The following PDK3 variants were observed in gnomAD, a reference collection of about 807,000 sequenced individuals.
PDK3 encodes pyruvate dehydrogenase kinase 3.
PDK3 carries 12 observed loss-of-function variants against 32.0 expected under a neutral mutation model. The observed-to-expected ratio is 0.37, with a 90% CI of 0.24 to 0.61. PDK3 has a LOEUF of 0.61. PDK3 is among the 20% of genes least tolerant of loss of function. The probability of loss-of-function intolerance (pLI) is 0.65; values close to 1 mark genes in which losing one functional copy is unlikely to be tolerated. For synonymous variants in PDK3, 122 were observed against 116.3 expected (o/e 1.05, Z -0.31); for missense variants, 188 against 316.9 (o/e 0.59, Z 3.09).
intron 9 of PDK3, among the ~76,000 whole-genome samples, chrX:24,529,781 GA>G (rs1393577045): frequency 3.9e-4 from 41 of 106,195 alleles, no homozygotes; most frequent in African/African-American, 1.4e-3. Context: ...AAAAAGAAAA[GA>G]AAAAGAAACT....
chrX:24,493,308 A>G (rs1210609622), intron 1 of PDK3, among the ~76,000 whole-genome samples: 1 of 109,610 alleles, frequency 9.1e-6, no homozygotes, highest in East Asian at 2.8e-4. Flanking sequence ...GAAGGGGGTC[A>G]GGGATGAGTG....
In PDK3 at chrX:24,527,654, T is replaced by C. The variant is rs1313846076; in HGVS notation, c.831T>C (p.Gly277=). 1.7e-6 allele frequency: 2 copies of C among 1,150,946 alleles called. No individual in the cohort carries two copies. The highest frequency in any genetic ancestry group is 2.4e-6 in the Non-Finnish European group (2 of 845,734). 94.9% of individuals were successfully genotyped at this position (1,150,946 alleles called of 1,213,427 possible). A position where few individuals can be genotyped will look rare whatever the true frequency, so the allele number is the denominator to read the frequency against. ...CTGTTAAAACCCTCGTTACTTTGGG[T>C]AAAGAAGACTTATCCATTAAGGTAA... The part of the protein sequence containing the change: ...YPAVKTLVTL[G]KEDLSIKISD... Residue 277 remains glycine, a synonymous_variant, in exon 8 of 11, where the codon GGT becomes GGC. Transcript: ENST00000379162.
Position 24,466,531 on chromosome X carries a change from C to G in PDK3, c.106+970C>G, listed in dbSNP as rs1197509442. ...CATTTAATGAATTTTATGTAAATGTCAAGGGTGTCAGTGATAGTGTCAGTT... is the reference window on the plus strand; with the variant it reads ...CATTTAATGAATTTTATGTAAATGTGAAGGGTGTCAGTGATAGTGTCAGTT... On this transcript the variant is annotated intron_variant, in intron 1 of 10. Coordinates refer to ENST00000379162, the MANE Select transcript of PDK3 (RefSeq NM_005391.5). Among the ~76,000 whole-genome samples the G allele has an allele frequency of 5.4e-5, 6 of 111,413 alleles. No individual in the cohort carries two copies. The Admixed American group carries it at 5.7e-4, about 11-fold the overall frequency.
Position 24,528,180 on chromosome X carries a change from C to G in PDK3, c.957C>G (p.Ala319=). ...PRPSLEPTRA[A]PLAGFGYGLP... is the part of the protein sequence containing the mutation. ...CCAGCCTGGAGCCTACCAGAGCTGCCCCTTTGGTAAGCATCTGAAAGTGCT... is the reference window on the plus strand; with the variant it reads ...CCAGCCTGGAGCCTACCAGAGCTGCGCCTTTGGTAAGCATCTGAAAGTGCT... Residue 319 remains alanine, a synonymous_variant, in exon 9 of 11, where the codon GCC becomes GCG. Coordinates refer to ENST00000379162, the MANE Select transcript of PDK3 (RefSeq NM_005391.5). 9.1e-7 allele frequency: 1 copy of G among 1,096,388 alleles called. No individual in the cohort carries two copies. Among genetic ancestry groups the G allele is most frequent in the Non-Finnish European group, 1.3e-6 (1 of 792,007 alleles). 90.4% of individuals were successfully genotyped at this position (1,096,388 alleles called of 1,213,427 possible). A position where few individuals can be genotyped will look rare whatever the true frequency, so the allele number is the denominator to read the frequency against.
At chrX:24,521,470 A>G (rs1016637761) in intron 6 of PDK3, among the ~76,000 whole-genome samples, 1 of 110,669 alleles carries the variant, frequency 9.0e-6, no homozygotes, top group African/African-American at 3.3e-5. Context: ...GAGAAGAGTC[A>G]TGTCCCCATT....
In PDK3 at chrX:24,503,316, C is replaced by T. The variant is rs768474985; in HGVS notation, c.321-11C>T. 1 of 1,187,047 alleles carries T rather than the reference C, an allele frequency of 8.4e-7. No homozygotes were observed. The highest frequency in any genetic ancestry group is 2.3e-5 in the Admixed American group (1 of 43,950). ...TTAAGACTGACCACGTTTTGTTTCC[C>T]TCTCACACAGCTTTCTACAAGTTCT... is the stretch of plus-strand genomic sequence containing the variant. On this transcript the variant is annotated splice_polypyrimidine_tract_variant and intron_variant, in intron 3 of 10. Coordinates refer to ENST00000379162, the MANE Select transcript of PDK3 (RefSeq NM_005391.5).
downstream of PDK3, among the ~76,000 whole-genome samples, chrX:24,535,520 A>G (rs1795759): frequency 0.12 from 11,748 of 98,846 alleles, 1,075 homozygotes; most frequent in Non-Finnish European, 0.19. Context: ...AAAAAAAAAA[A>G]AAGAAGAAGA....
chrX:24,520,053 C>T (rs1297717224), intron 6 of PDK3, among the ~76,000 whole-genome samples: 2 of 111,458 alleles, frequency 1.8e-5, no homozygotes, highest in African/African-American at 6.5e-5. Context: ...ATTAGCCAGG[C>T]GTGGTGGCAC....
chrX:24,482,430 G>A (rs1397417705), intron 1 of PDK3, among the ~76,000 whole-genome samples: 3 of 111,501 alleles, frequency 2.7e-5, no homozygotes, highest in African/African-American at 9.8e-5. Flanking sequence ...AGCTGGTCTC[G>A]AACTCCTGAC....
At chrX:24,545,052 T>C (rs1197744004) in exon 12 of PDK3, among the ~76,000 whole-genome samples, 2 of 112,094 alleles carry the variant, frequency 1.8e-5, no homozygotes, top group African/African-American at 6.5e-5. Context: ...ATAGAGGACA[T>C]ATGACATTTT....
intron 5 of PDK3, among the ~76,000 whole-genome samples, chrX:24,517,576 T>C (rs1479447221): frequency 8.9e-6 from 1 of 112,534 alleles, no homozygotes; most frequent in East Asian, 2.8e-4. Context: ...TCTATGCAAG[T>C]TATGAAACAA....
intron 1 of PDK3, among the ~76,000 whole-genome samples, chrX:24,475,069 C>A (rs1293962251): frequency 9.0e-6 from 1 of 111,536 alleles, no homozygotes; most frequent in Non-Finnish European, 1.9e-5. Context: ...ACAGTGATTG[C>A]GTTCTTGGAG....
chrX:24,546,983 T>C, exon 12 of PDK3: 1 of 112,683 alleles, frequency 8.9e-6, no homozygotes, highest in Non-Finnish European at 1.9e-5. Flanking sequence ...TAATGCATCC[T>C]GTATGTGCAT....
intron 5 of PDK3, among the ~76,000 whole-genome samples, chrX:24,514,390 G>A (rs2148196092): frequency 8.9e-6 from 1 of 111,921 alleles, no homozygotes; most frequent in East Asian, 2.8e-4. Flanking sequence ...CCTAAAAGAA[G>A]GCATGTCACT....
intron 10 of PDK3, among the ~76,000 whole-genome samples, chrX:24,532,191 G>A (rs1435461994): frequency 9.0e-6 from 1 of 110,669 alleles, no homozygotes; most frequent in African/African-American, 3.3e-5. Flanking sequence ...ATTTGAACCC[G>A]GGAGGCAGAG....
At chrX:24,535,584 T>G (rs769970769), downstream of PDK3, among the ~76,000 whole-genome samples, 1 of 110,673 alleles carries the variant, frequency 9.0e-6, no homozygotes, top group South Asian at 3.8e-4. Flanking sequence ...GAAACCTCTG[T>G]GTTCCCAAAA....
At position 24,527,629 on chromosome X, in the gene PDK3, CT is replaced by C. The variant is rs1252770960; in HGVS notation, c.807del (p.Val270LeufsTer19). ...LYEDRKEGYP[A>X]VKTLVTLGKE... ...GAAGACAGAAAAGAGGGCTACCCTG[CT>C]GTTAAAACCCTCGTTACTTTGGGTA... On this transcript the variant is annotated frameshift_variant, in exon 8 of 11. Coordinates refer to ENST00000379162, the MANE Select transcript of PDK3 (RefSeq NM_005391.5). LOFTEE classifies it high-confidence loss of function. 8.4e-7 allele frequency: 1 copy of C among 1,191,489 alleles called. No homozygotes were observed. Among genetic ancestry groups the C allele is most frequent in the Non-Finnish European group, 1.1e-6 (1 of 879,398 alleles).
downstream of PDK3, chrX:24,539,400 C>G: frequency 2.6e-6 from 1 of 379,479 alleles, no homozygotes; most frequent in Non-Finnish European, 4.6e-6. Context: ...TGATTGATGC[C>G]TGTCACCGAA....
intron 3 of PDK3, 131 bp downstream of exon 3, chrX:24,499,031 G>A: frequency 2.9e-6 from 1 of 344,394 alleles, no homozygotes; most frequent in Non-Finnish European, 4.8e-6. Context: ...AATGAGTAGT[G>A]ACTCAACATT....
Sources: allele counts gnomAD v4.1 joint callset (sites outside exome capture counted in the v4.1 genomes callset), GRCh38; gene constraint gnomAD v4.1.1; transcripts MANE v1.5; gene names NCBI Gene and HGNC (gene_info 2026-07-23, HGNC 2026-07-21).